The following LDAH variants were observed in gnomAD, a reference collection of about 807,000 sequenced individuals.
LDAH encodes the protein lipid droplet-associated hydrolase.
A neutral mutation model predicts 29.6 loss-of-function variants in LDAH; 26 were observed. The observed-to-expected ratio is 0.88, with a 90% CI of 0.64 to 1.22. The LOEUF (loss-of-function observed/expected upper bound fraction) is 1.22, where lower values mean the gene tolerates loss of function less well. LDAH is among the 50% of genes most tolerant of loss of function. The probability of loss-of-function intolerance (pLI) is 0.00; values close to 1 mark genes in which losing one functional copy is unlikely to be tolerated. For synonymous variants in LDAH, 117 were observed against 133.0 expected (o/e 0.88, Z 0.83); for missense variants, 344 against 387.3 (o/e 0.89, Z 0.94).
At chr2:20,782,765 T>A (rs1196807972) in intron 3 of LDAH, among the ~76,000 whole-genome samples, 1 of 152,174 alleles carries the variant, frequency 6.6e-6, no homozygotes, top group Non-Finnish European at 1.5e-5. Context: ...GTCTTTTAAA[T>A]AACTAGCTTT....
rs188984678 is a variant in LDAH, at chr2:20,749,942, C to A, written c.469-9737G>T. 3.0e-3 allele frequency among the ~76,000 whole-genome samples: 464 copies of A among 152,240 alleles called. 2 individuals carry two copies. Among genetic ancestry groups the A allele is most frequent in the African/African-American group, 9.3e-3 (388 of 41,528 alleles). On this transcript the variant is annotated intron_variant, in intron 4 of 6. Transcript: ENST00000237822. ...AGAACAGGTTCATAAGGGTAGCATC[C>A]CTCCTGGTGGTACCATGGTATCTCC...
At chr2:20,801,958 A>ATGTGTG (rs201368706) in intron 1 of LDAH, among the ~76,000 whole-genome samples, 1 of 138,562 alleles carries the variant, frequency 7.2e-6, no homozygotes, top group African/African-American at 2.7e-5. Context: ...GTGTGTGTGT[A>ATGTGTG]TGTGTGTGTG....
Position 20,816,108 on chromosome 2 carries a change from C to G in LDAH, c.-3+6929G>C, listed in dbSNP as rs183845562. Among the ~76,000 whole-genome samples, 320 of 152,030 alleles carry G rather than the reference C, an allele frequency of 2.1e-3. 3 individuals are homozygous for G. Among genetic ancestry groups the G allele is most frequent in the African/African-American group, 7.3e-3 (305 of 41,518 alleles). ...CATCTATTGTTATACCCAAAGCACA[C>G]TAAAAAAGGTTAACTAAGCCAGATA... On this transcript the variant is annotated intron_variant, in intron 1 of 6. Transcript: ENST00000237822.
chr2:20,684,947 G>C lies in LDAH; in HGVS notation c.*1956C>G. ...ACCTATGAAAAAAGCAATGAGAAAG[G>C]TGGCTTTTCACTTTAAAAGAGAGAC... On this transcript the variant is annotated 3_prime_UTR_variant, in exon 7 of 7. Coordinates refer to ENST00000237822, the MANE Select transcript of LDAH (RefSeq NM_021925.4). 1 of 1,549,240 alleles carries C rather than the reference G, an allele frequency of 6.5e-7. No homozygotes were observed. The highest frequency in any genetic ancestry group is 8.7e-7 in the Non-Finnish European group (1 of 1,146,468).
At position 20,717,474 on chromosome 2, in the gene LDAH, A is replaced by T. The variant is rs573288189; in HGVS notation, c.704-15822T>A. Among the ~76,000 whole-genome samples the T allele has an allele frequency of 1.5e-3, 232 of 152,156 alleles. 1 individual carries two copies. The highest frequency in any genetic ancestry group is 5.5e-3 in the African/African-American group (228 of 41,518). On this transcript the variant is annotated intron_variant, in intron 5 of 6. Transcript: ENST00000237822. ...GAAGTTACTCAAATTATGAAAAAGT[A>T]CTCACCCTCATTAGCTATCATGGAA...
intron 5 of LDAH, among the ~76,000 whole-genome samples, chr2:20,703,614 A>G (rs1177690567): frequency 6.6e-6 from 1 of 152,178 alleles, no homozygotes; most frequent in Non-Finnish European, 1.5e-5. Flanking sequence ...TCTGTCCTCC[A>G]ACATTTGTTT....
At chr2:20,696,143 C>A (rs1412305226) in intron 6 of LDAH, among the ~76,000 whole-genome samples, 1 of 152,212 alleles carries the variant, frequency 6.6e-6, no homozygotes, top group Non-Finnish European at 1.5e-5. Context: ...TTTCAGAATA[C>A]CGAGGCTTGG....
intron 2 of LDAH, among the ~76,000 whole-genome samples, chr2:20,791,614 A>G (rs1226595120): frequency 1.3e-5 from 2 of 152,196 alleles, no homozygotes; most frequent in Admixed American, 1.3e-4. Flanking sequence ...AAATGCAGAA[A>G]TATATTCTTT....
intron 4 of LDAH, among the ~76,000 whole-genome samples, chr2:20,772,908 AAACTGT>A (rs1463929305): frequency 6.6e-6 from 1 of 152,214 alleles, no homozygotes. Context: ...CCTTCAGATA[AAACTGT>A]AGCCCTGGAA....
intron 5 of LDAH, among the ~76,000 whole-genome samples, chr2:20,707,106 A>G (rs1664364648): frequency 6.6e-6 from 1 of 152,192 alleles, no homozygotes; most frequent in Admixed American, 6.5e-5. Flanking sequence ...CCTCCCTTAG[A>G]AAACTCTCAC....
intron 4 of LDAH, among the ~76,000 whole-genome samples, chr2:20,750,756 C>A (rs915663145): frequency 6.6e-6 from 1 of 152,160 alleles, no homozygotes; most frequent in Non-Finnish European, 1.5e-5. Flanking sequence ...TGGAAACAAC[C>A]CACATGCCCA....
chr2:20,795,892 C>T (rs1052067320), intron 2 of LDAH, among the ~76,000 whole-genome samples: 1 of 151,486 alleles, frequency 6.6e-6, no homozygotes, highest in Non-Finnish European at 1.5e-5. Flanking sequence ...CCTTGAAATA[C>T]TGTTATCCTG....
At chr2:20,704,903 C>A (rs1016377599) in intron 5 of LDAH, among the ~76,000 whole-genome samples, 5 of 152,194 alleles carry the variant, frequency 3.3e-5, no homozygotes, top group South Asian at 2.1e-4. Flanking sequence ...TCCCTCCCCC[C>A]ACAGAGCCTT....
At chr2:20,754,746 G>T (rs1668213345) in intron 4 of LDAH, among the ~76,000 whole-genome samples, 2 of 151,948 alleles carry the variant, frequency 1.3e-5, no homozygotes, top group Non-Finnish European at 2.9e-5. Context: ...ACAAAATCAG[G>T]ATAATCTCTT....
intron 5 of LDAH, among the ~76,000 whole-genome samples, chr2:20,713,599 A>G (rs1664934257): frequency 3.9e-5 from 6 of 152,228 alleles, no homozygotes; most frequent in Admixed American, 3.3e-4. Flanking sequence ...GGCAAATTGG[A>G]TAGAGTCAAG....
chr2:20,736,228 G>A (rs889260208), intron 5 of LDAH, among the ~76,000 whole-genome samples: 3 of 152,124 alleles, frequency 2.0e-5, no homozygotes, highest in Non-Finnish European at 4.4e-5. Context: ...GATCACCTGA[G>A]GTTAGGAGGT....
At chr2:20,737,789 A>C (rs978292329) in intron 5 of LDAH, among the ~76,000 whole-genome samples, 1 of 152,176 alleles carries the variant, frequency 6.6e-6, no homozygotes, top group Non-Finnish European at 1.5e-5. Flanking sequence ...AATGAGGCTG[A>C]AACTTGCTGG....
chr2:20,749,676 C>G (rs1371251134), intron 4 of LDAH, among the ~76,000 whole-genome samples: 7 of 152,126 alleles, frequency 4.6e-5, no homozygotes, highest in Admixed American at 4.6e-4. Flanking sequence ...AGAAGCAAAT[C>G]CATCAGTTAG....
At chr2:20,702,206 A>G (rs978867766) in intron 5 of LDAH, among the ~76,000 whole-genome samples, 1 of 152,212 alleles carries the variant, frequency 6.6e-6, no homozygotes, top group Admixed American at 6.5e-5. Flanking sequence ...TCAAATACCT[A>G]GGAAAGAGGA....
Sources: allele counts gnomAD v4.1 joint callset (sites outside exome capture counted in the v4.1 genomes callset), GRCh38; gene constraint gnomAD v4.1.1; transcripts MANE v1.5; gene names NCBI Gene and HGNC (gene_info 2026-07-23, HGNC 2026-07-21).